Variants in ASAP2 observed in about 807,000 individuals in gnomAD.
ASAP2 encodes ArfGAP with SH3 domain, ankyrin repeat and PH domain 2.
Under a neutral mutation model 131.4 loss-of-function variants are expected in ASAP2, and 45 were observed. The observed-to-expected ratio is 0.34, with a 90% CI of 0.27 to 0.44. The LOEUF is 0.44. ASAP2 is among the 20% of genes least tolerant of loss of function. The probability of loss-of-function intolerance (pLI) is 1.00; values close to 1 mark genes in which losing one functional copy is unlikely to be tolerated. For synonymous variants in ASAP2, 510 were observed against 503.0 expected, an observed-to-expected ratio of 1.01 and a Z score of -0.19; for missense variants, 1,011 against 1,297.0, an observed-to-expected ratio of 0.78 and a Z score of 3.39.
At chr2:9,285,102 C>T (rs772886023) in intron 2 of ASAP2, among the ~76,000 whole-genome samples, 95 of 152,006 alleles carry the variant, frequency 6.2e-4, no homozygotes, top group Non-Finnish European at 1.3e-3. Flanking sequence ...AGAGTGGGGC[C>T]CTCATGATGG....
intron 16 of ASAP2, 123 bp from the exon 17 acceptor site, chr2:9,374,632 C>A: frequency 1.1e-6 from 1 of 916,856 alleles, no homozygotes; most frequent in East Asian, 2.9e-5. Flanking sequence ...CTTTGTGTTT[C>A]GGGGCCAGCG....
At chr2:9,290,874 G>T (rs1667765955) in intron 2 of ASAP2, among the ~76,000 whole-genome samples, 1 of 152,168 alleles carries the variant, frequency 6.6e-6, no homozygotes. Flanking sequence ...AAAGCACTTG[G>T]CCTGGGACCT....
chr2:9,358,914 G>T (rs762774632), intron 15 of ASAP2, 25 bp downstream of exon 15: 6 of 1,592,582 alleles, frequency 3.8e-6, no homozygotes, highest in Non-Finnish European at 5.1e-6. Flanking sequence ...CTTGATTTCA[G>T]ATTGGAAACA....
chr2:9,389,871 C>CA lies in ASAP2; in HGVS notation c.2384-1190dup. ...TCGCATCTCCTCCCTGTCAAACCCCCAGGCTGGCTGGTCGGGGCCCAGGGT... is the reference window on the plus strand; with the variant it reads ...TCGCATCTCCTCCCTGTCAAACCCCCAAGGCTGGCTGGTCGGGGCCCAGGGT... On this transcript the variant is annotated intron_variant, in intron 22 of 27. Transcript: ENST00000281419. The surrounding 1 kb of genome is among the most constrained non-coding windows in gnomAD (Gnocchi z 4.7). Among the ~76,000 whole-genome samples, 1 of 152,154 alleles carries CA rather than the reference C, an allele frequency of 6.6e-6. No individual in the cohort carries two copies. Among genetic ancestry groups the CA allele is most frequent in the Non-Finnish European group, 1.5e-5 (1 of 68,028 alleles).
intron 24 of ASAP2, among the ~76,000 whole-genome samples, chr2:9,398,063 A>G (rs1170774735): frequency 6.6e-6 from 1 of 151,708 alleles, no homozygotes; most frequent in Non-Finnish European, 1.5e-5. Flanking sequence ...CGGCCTCAAA[A>G]GGATATTTTG....
At chr2:9,376,516 C>G (rs1346672891) in intron 17 of ASAP2, among the ~76,000 whole-genome samples, 1 of 152,234 alleles carries the variant, frequency 6.6e-6, no homozygotes, top group Admixed American at 6.5e-5. Context: ...ACATATGTTT[C>G]TACTCAAGGA....
intron 22 of ASAP2, 138 bp from the exon 23 acceptor site, chr2:9,390,924 A>G: frequency 7.8e-7 from 1 of 1,278,488 alleles, no homozygotes; most frequent in Non-Finnish European, 1.1e-6. Flanking sequence ...AAAAGCATTG[A>G]GGGTTCTAGG....
intron 22 of ASAP2, 27 bp from the exon 23 acceptor site, chr2:9,391,035 C>G (rs760597223): frequency 6.2e-7 from 1 of 1,614,028 alleles, no homozygotes; most frequent in East Asian, 2.2e-5. Flanking sequence ...TGCGTGCATG[C>G]GTCTGTGTGC....
Position 9,236,589 on chromosome 2 carries a change from G to T in ASAP2, c.126+29359G>T, listed in dbSNP as rs1663568045. ...ATAAACATTCTTAATGTCTAAAGAG[G>T]ATTTTTTACCGGAGAGGCAAAGGGA... is the stretch of plus-strand genomic sequence containing the variant. On this transcript the variant is annotated intron_variant, in intron 1 of 27. Transcript: ENST00000281419. 1.3e-5 allele frequency among the ~76,000 whole-genome samples: 2 copies of T among 152,006 alleles called. 1 individual carries two copies. The highest frequency in any genetic ancestry group is 4.1e-4 in the South Asian group (2 of 4,820).
At chr2:9,368,302 A>G in intron 15 of ASAP2, 123 bp from the exon 16 acceptor site, 1 of 893,410 alleles carries the variant, frequency 1.1e-6, no homozygotes, top group Non-Finnish European at 1.7e-6. Context: ...CATTAAAGGC[A>G]AACCACTTTA....
intron 1 of ASAP2, among the ~76,000 whole-genome samples, chr2:9,227,437 G>A (rs889276065): frequency 1.3e-5 from 2 of 152,146 alleles, no homozygotes; most frequent in African/African-American, 2.4e-5. Context: ...TCCTAAAACC[G>A]AACTGCAAAC....
intron 2 of ASAP2, among the ~76,000 whole-genome samples, chr2:9,283,433 C>G (rs575032433): frequency 1.3e-5 from 2 of 152,280 alleles, no homozygotes; most frequent in Admixed American, 6.5e-5. Flanking sequence ...ATGGGAAACC[C>G]GACATGGGTC....
chr2:9,401,373 G>A lies in ASAP2; in HGVS notation c.2923G>A (p.Gly975Arg), dbSNP rs373040649. The A allele has an allele frequency of 7.4e-6, 12 of 1,613,600 alleles. No homozygotes were observed. Among genetic ancestry groups the A allele is most frequent in the Admixed American group, 5.0e-5 (3 of 60,020 alleles). Reference protein sequence around the residue: ...FSEGDVIIVDGEEDQEWWIGH... With the variant: ...FSEGDVIIVDREEDQEWWIGH... The stretch of plus-strand genomic sequence containing the variant: ...CGAGGGGGATGTGATCATCGTGGAC[G>A]GGGAGGAGGACCAGGAGTGGTGGGT... The change falls in exon 27 of 28, where the codon GGG (glycine) becomes AGG (arginine). Residue 975 changes from glycine (G) to arginine (R), a missense_variant. Around this residue, in one of 2 missense-constraint regions of ASAP2, gnomAD observed 652 missense variants for 698.9 expected, o/e 0.93. Coordinates refer to ENST00000281419, the MANE Select transcript of ASAP2 (RefSeq NM_003887.3).
intron 21 of ASAP2, among the ~76,000 whole-genome samples, chr2:9,386,371 A>T (rs985295147): frequency 6.6e-6 from 1 of 151,642 alleles, no homozygotes; most frequent in Non-Finnish European, 1.5e-5. Flanking sequence ...GACTGATTTC[A>T]TACTTAACCT....
chr2:9,244,155 A>T (rs1664175328), intron 1 of ASAP2, among the ~76,000 whole-genome samples: 4 of 152,024 alleles, frequency 2.6e-5, no homozygotes, highest in Admixed American at 2.0e-4. Flanking sequence ...CCCCACAAAA[A>T]TTTGGTGGCA....
Position 9,401,276 on chromosome 2 carries a change from C to G in ASAP2, c.2826C>G (p.Thr942=). 1 of 1,613,432 alleles carries G rather than the reference C, an allele frequency of 6.2e-7. No individual in the cohort carries two copies. The highest frequency in any genetic ancestry group is 8.5e-7 in the Non-Finnish European group (1 of 1,179,896). The change falls in exon 27 of 28, where the codon ACC becomes ACG. Residue 942 remains threonine, a splice_region_variant and synonymous_variant. Transcript: ENST00000281419. Reference sequence around the variant, plus strand: ...CGTTGTTCCCTCTCCTGACCCAGACCAAGTTGAAGCCTAAGCGGGTGAAAG... The same window carrying G: ...CGTTGTTCCCTCTCCTGACCCAGACGAAGTTGAAGCCTAAGCGGGTGAAAG... ...PAPMPRKSQA[T]KLKPKRVKAL... is the part of the protein sequence containing the mutation.
chr2:9,318,704 G>T (rs141188584), intron 4 of ASAP2, 106 bp downstream of exon 4: 99 of 666,308 alleles, frequency 1.5e-4, no homozygotes, highest in Middle Eastern at 7.8e-4. Context: ...TCATTGGGAC[G>T]ATAGGATGGC....
In ASAP2 at chr2:9,393,528, C is replaced by A; in HGVS notation, c.2565C>A (p.Ser855Arg). ...CCCCACCCGTTGCCAAGACGCCCAG[C>A]GTAATGGAAGCCTTGAGCCAGCCGA... ...TPPPPVAKTP[S>R]VMEALSQPSK... The change falls in exon 24 of 28, where the codon AGC (serine) becomes AGA (arginine). Residue 855 changes from serine to arginine, a missense_variant. Physicochemically the swap from Ser to Arg is moderately radical, Grantham distance 110. This residue lies in a region of ASAP2 where 652 missense variants were observed against 698.9 expected (regional missense o/e 0.93). Transcript: ENST00000281419. The A allele has an allele frequency of 6.2e-7, 1 of 1,603,642 alleles. No individual in the cohort carries two copies. Among genetic ancestry groups the A allele is most frequent in the South Asian group, 1.1e-5 (1 of 89,536 alleles).
intron 1 of ASAP2, among the ~76,000 whole-genome samples, chr2:9,261,695 G>C (rs553844952): frequency 1.3e-5 from 2 of 152,250 alleles, no homozygotes; most frequent in Non-Finnish European, 2.9e-5. Context: ...CAGTGTGGCC[G>C]AGTGTAGGAG....
Sources: allele counts gnomAD v4.1 joint callset (sites outside exome capture counted in the v4.1 genomes callset), GRCh38; gene constraint gnomAD v4.1.1; regional missense constraint gnomAD v4.1.1; non-coding constraint Gnocchi (gnomAD v3.1); transcripts MANE v1.5; gene names NCBI Gene and HGNC (gene_info 2026-07-23, HGNC 2026-07-21).